PTPRT: variants seen among roughly 807,000 people sequenced by gnomAD.
PTPRT encodes the protein receptor-type tyrosine-protein phosphatase T.
Under a neutral mutation model 176.8 loss-of-function variants are expected in PTPRT, and 56 were observed. The observed-to-expected ratio is 0.32, with a 90% CI of 0.26 to 0.40. The LOEUF (loss-of-function observed/expected upper bound fraction) is 0.40. Among genes scored for constraint, PTPRT ranks in the 10% least tolerant of loss-of-function variants. PTPRT has a pLI of 1.00. For missense variants in PTPRT, 1,540 were observed against 1,908.2 expected, an observed-to-expected ratio of 0.81 and a Z score of 3.60; for synonymous variants, 783 against 739.0, an observed-to-expected ratio of 1.06 and a Z score of -0.96.
intron 5 of PTPRT, among the ~76,000 whole-genome samples, chr20:42,770,760 TTGCCTCAGCCCTAGTAATC>T (rs2077050734): frequency 6.6e-6 from 1 of 152,210 alleles, no homozygotes; most frequent in African/African-American, 2.4e-5. Flanking sequence ...GCTATTCCAT[TTGCCTCAGCCCTAGTAATC>T]TGCAATTAAA....
downstream of PTPRT, among the ~76,000 whole-genome samples, chr20:42,072,124 C>G (rs1446688226): frequency 6.6e-6 from 1 of 152,188 alleles, no homozygotes; most frequent in East Asian, 1.9e-4. Context: ...GACTTTCTCT[C>G]TCTCATGCTC....
At position 43,027,110 on chromosome 20, in the gene PTPRT, T is replaced by G. The variant is rs115436255; in HGVS notation, c.89-141178A>C. On this transcript the variant is annotated intron_variant, in intron 1 of 30. Coordinates refer to ENST00000373187, the MANE Select transcript of PTPRT (RefSeq NM_007050.6). ...ACCTAGCAGTGGGATCGCTAGATCA[T>G]ATGGTAGCTCTAGTTTTAGTTTTTA... Among the ~76,000 whole-genome samples, 681 of 152,292 alleles carry G rather than the reference T, an allele frequency of 4.5e-3. 3 individuals carry two copies. Among genetic ancestry groups the G allele is most frequent in the East Asian group, 0.014 (75 of 5,178 alleles).
chr20:42,813,345 A>G (rs2077728868), intron 2 of PTPRT, among the ~76,000 whole-genome samples: 1 of 151,856 alleles, frequency 6.6e-6, no homozygotes. Flanking sequence ...TTGCCCTTGT[A>G]TATTACAGCC....
intron 9 of PTPRT, among the ~76,000 whole-genome samples, chr20:42,373,769 C>T (rs957045158): frequency 6.6e-6 from 1 of 152,184 alleles, no homozygotes; most frequent in Non-Finnish European, 1.5e-5. Context: ...AATGAAAGGT[C>T]AGATTTCACA....
chr20:43,026,715 T>A (rs1426154466), intron 1 of PTPRT, among the ~76,000 whole-genome samples: 3 of 152,186 alleles, frequency 2.0e-5, no homozygotes, highest in African/African-American at 7.2e-5. Context: ...CCATTAATCA[T>A]CCCCAACCCC....
At chr20:42,231,297 T>G (rs1224106251) in intron 15 of PTPRT, among the ~76,000 whole-genome samples, 2 of 152,202 alleles carry the variant, frequency 1.3e-5, no homozygotes, top group African/African-American at 2.4e-5. Flanking sequence ...GAACAGGGCT[T>G]AGTAAGAAGA....
At chr20:42,809,640 C>T (rs866780248) in intron 2 of PTPRT, among the ~76,000 whole-genome samples, 31 of 152,244 alleles carry the variant, frequency 2.0e-4, no homozygotes, top group African/African-American at 7.0e-4. Flanking sequence ...GGGGATAATT[C>T]CTCTTTGCCT....
chr20:42,809,679 C>T (rs1043450165), intron 2 of PTPRT, among the ~76,000 whole-genome samples: 1 of 152,080 alleles, frequency 6.6e-6, no homozygotes, highest in African/African-American at 2.4e-5. Flanking sequence ...GTCTGGTGCT[C>T]CCTGAGGTCG....
intron 15 of PTPRT, among the ~76,000 whole-genome samples, chr20:42,227,010 C>T (rs987215111): frequency 2.6e-5 from 4 of 152,044 alleles, no homozygotes; most frequent in African/African-American, 9.7e-5. Flanking sequence ...TGTTCATAAG[C>T]AATGAAGAGT....
At chr20:42,614,947 T>A (rs540047600) in intron 7 of PTPRT, among the ~76,000 whole-genome samples, 30 of 143,358 alleles carry the variant, frequency 2.1e-4, no homozygotes, top group Middle Eastern at 7.4e-3. Flanking sequence ...ATTTTTTTTT[T>A]AATTATACTT....
intron 6 of PTPRT, among the ~76,000 whole-genome samples, chr20:42,701,836 T>C (rs114633342): frequency 3.7e-4 from 56 of 152,182 alleles, no homozygotes; most frequent in African/African-American, 1.3e-3. Flanking sequence ...GCTCCATACC[T>C]TGGAGGTATT....
At chr20:42,441,583 T>C (rs1218646070) in intron 9 of PTPRT, among the ~76,000 whole-genome samples, 12 of 152,108 alleles carry the variant, frequency 7.9e-5, no homozygotes, top group Admixed American at 5.2e-4. Context: ...TGTGGACATA[T>C]GGAACAGGTG....
intron 9 of PTPRT, among the ~76,000 whole-genome samples, chr20:42,383,384 A>T (rs2058714297): frequency 6.6e-6 from 1 of 151,420 alleles, no homozygotes; most frequent in Admixed American, 6.6e-5. Flanking sequence ...TATTCTTGCC[A>T]TGCTGGCAGA....
At chr20:42,277,883 C>CTCAT (rs1261034025) in intron 13 of PTPRT, among the ~76,000 whole-genome samples, 1 of 119,462 alleles carries the variant, frequency 8.4e-6, no homozygotes, top group Non-Finnish European at 1.8e-5. Flanking sequence ...TAGTCATCCA[C>CTCAT]TCATCCATCC....
At chr20:42,698,273 G>A (rs2075915169) in intron 6 of PTPRT, among the ~76,000 whole-genome samples, 1 of 152,146 alleles carries the variant, frequency 6.6e-6, no homozygotes. Flanking sequence ...CAATTCAAAA[G>A]CTAAAGTAAC....
At chr20:42,446,898 C>A (rs1261392415) in intron 9 of PTPRT, among the ~76,000 whole-genome samples, 1 of 152,072 alleles carries the variant, frequency 6.6e-6, no homozygotes, top group Non-Finnish European at 1.5e-5. Flanking sequence ...CTGCGCCAAG[C>A]TCCCTGCAAC....
intron 1 of PTPRT, among the ~76,000 whole-genome samples, chr20:42,910,726 G>C (rs1334371426): frequency 6.6e-6 from 1 of 152,148 alleles, no homozygotes; most frequent in Non-Finnish European, 1.5e-5. Context: ...TCAAGGTTGA[G>C]GTGATTACGG....
At chr20:42,974,172 G>A (rs1320505399) in intron 1 of PTPRT, among the ~76,000 whole-genome samples, 1 of 152,114 alleles carries the variant, frequency 6.6e-6, no homozygotes, top group African/African-American at 2.4e-5. Flanking sequence ...GCAATGAGAA[G>A]GGACTTTGCA....
At chr20:42,383,508 G>A (rs779895786) in intron 9 of PTPRT, among the ~76,000 whole-genome samples, 2 of 152,170 alleles carry the variant, frequency 1.3e-5, no homozygotes, top group Non-Finnish European at 2.9e-5. Context: ...TAAATGGGAG[G>A]ACAGGAGAAT....
Sources: allele counts gnomAD v4.1 joint callset (sites outside exome capture counted in the v4.1 genomes callset), GRCh38; gene constraint gnomAD v4.1.1; transcripts MANE v1.5; gene names NCBI Gene and HGNC (gene_info 2026-07-23, HGNC 2026-07-21).